PCF11: variants seen among roughly 807,000 people sequenced by gnomAD.
PCF11 encodes the protein pre-mRNA cleavage complex 2 protein Pcf11.
PCF11 carries 19 observed loss-of-function variants against 166.1 expected under a neutral mutation model. The observed-to-expected ratio is 0.11, with a 90% CI of 0.08 to 0.17. The LOEUF (loss-of-function observed/expected upper bound fraction) is 0.17. Among genes scored for constraint, PCF11 ranks in the 10% least tolerant of loss-of-function variants. The pLI is 1.00. For missense variants in PCF11, 1,565 were observed against 1,855.5 expected (o/e 0.84, Z 2.88); for synonymous variants, 663 against 644.1 (o/e 1.03, Z -0.44).
At chr11:83,169,768 G>T in exon 8 of PCF11, 1 of 1,613,792 alleles carries the variant, frequency 6.2e-7, no homozygotes, top group Non-Finnish European at 8.5e-7. Context: ...TGCTTTTAAT[G>T]CCCCATCCCA....
chr11:83,176,612 C>T (rs1225583282), intron 9 of PCF11, among the ~76,000 whole-genome samples: 2 of 151,432 alleles, frequency 1.3e-5, no homozygotes, highest in Non-Finnish European at 2.9e-5. Context: ...CGCATGTTCT[C>T]ACTTGTAGGT....
At chr11:83,182,882 G>C (rs1160738284) in intron 14 of PCF11, among the ~76,000 whole-genome samples, 156 bp from the exon 15 acceptor site, 1 of 152,300 alleles carries the variant, frequency 6.6e-6, no homozygotes, top group African/African-American at 2.4e-5. Context: ...GACTCTTTAA[G>C]CATAAGGATG....
intron 15 of PCF11, 56 bp from the exon 16 acceptor site, chr11:83,184,619 GTTAT>G: frequency 8.8e-7 from 1 of 1,137,708 alleles, no homozygotes; most frequent in Non-Finnish European, 1.3e-6. Context: ...AAGACTAAAT[GTTAT>G]TTAATGTGAG....
chr11:83,175,568 C>T (rs1029634139), intron 9 of PCF11, among the ~76,000 whole-genome samples: 1 of 152,052 alleles, frequency 6.6e-6, no homozygotes, highest in Non-Finnish European at 1.5e-5. Flanking sequence ...CTGGCTAACA[C>T]GGTGAAACCC....
exon 5 of PCF11, chr11:83,166,537 G>T: frequency 6.2e-7 from 1 of 1,613,922 alleles, no homozygotes; most frequent in Non-Finnish European, 8.5e-7. Flanking sequence ...GCTAAGAGAA[G>T]TACTAAACAG....
intron 9 of PCF11, among the ~76,000 whole-genome samples, chr11:83,175,628 A>G (rs1410599932): frequency 1.3e-5 from 2 of 152,110 alleles, no homozygotes; most frequent in African/African-American, 2.4e-5. Context: ...GGTGGCACGC[A>G]CCTGTAGTCC....
chr11:83,169,206 G>C, exon 8 of PCF11: 1 of 1,613,584 alleles, frequency 6.2e-7, no homozygotes, highest in Non-Finnish European at 8.5e-7. Flanking sequence ...TGAGGTTTGA[G>C]GGCCCCCATG....
At chr11:83,179,339 T>TCCCAGGTTCA (rs1306573763) in intron 11 of PCF11, among the ~76,000 whole-genome samples, 2 of 151,848 alleles carry the variant, frequency 1.3e-5, no homozygotes, top group Non-Finnish European at 2.9e-5. Context: ...AACCTCCGCC[T>TCCCAGGTTCA]CCCAGGTTCA....
chr11:83,177,843 G>A (rs1860939256), intron 11 of PCF11, 24 bp downstream of exon 11: 5 of 1,176,540 alleles, frequency 4.2e-6, no homozygotes, highest in Admixed American at 2.1e-5. Context: ...TTTTCTTTAA[G>A]ATAAAGAGGC....
exon 8 of PCF11, chr11:83,168,832 C>T (rs764761637): frequency 1.2e-5 from 20 of 1,613,398 alleles, no homozygotes; most frequent in East Asian, 1.1e-4. Flanking sequence ...GACACCTCTG[C>T]GGTTTGAGGG....
At chr11:83,177,781 T>C in exon 11 of PCF11, 1 of 1,537,998 alleles carries the variant, frequency 6.5e-7, no homozygotes, top group East Asian at 2.4e-5. Context: ...ATCAAGATGT[T>C]CCAGATCTTA....
At chr11:83,184,801 A>G in exon 16 of PCF11, 1 of 1,608,532 alleles carries the variant, frequency 6.2e-7, no homozygotes, top group Non-Finnish European at 8.5e-7. Context: ...AAGTTAAGGA[A>G]GAACGAATTG....
exon 1 of PCF11, chr11:83,157,308 C>T: frequency 1.3e-6 from 1 of 758,964 alleles, no homozygotes; most frequent in Non-Finnish European, 2.1e-6. Flanking sequence ...CATCCCCCCT[C>T]CGCGGTCAGC....
Position 83,164,195 on chromosome 11 carries a change from C to T in PCF11, c.508-12C>T. 6.3e-7 allele frequency: 1 copy of T among 1,580,726 alleles called. No individual in the cohort carries two copies. The highest frequency in any genetic ancestry group is 1.2e-5 in the South Asian group (1 of 85,192). ...GATACGTTTTTCTTAAACAAATTGT[C>T]TTTTCTTATAGCCCGAGGAGCCTTC... On this transcript the variant is annotated splice_polypyrimidine_tract_variant and intron_variant, in intron 3 of 15. Coordinates refer to ENST00000298281, the Ensembl canonical transcript of PCF11.
rs200215029 is a variant in PCF11 at position 83,182,022 on chromosome 11, C to G, written c.4323+13C>G. ...TGGAGCAGTTGAGGTGAGAGAAGAA[C>G]GTTTAAGTTTTCTCACAGTGGGAGT... On this transcript the variant is annotated intron_variant, in intron 13 of 15. Coordinates refer to ENST00000298281, the Ensembl canonical transcript of PCF11. 1 of 1,586,906 alleles carries G rather than the reference C, an allele frequency of 6.3e-7. No homozygotes were observed. The highest frequency in any genetic ancestry group is 8.5e-7 in the Non-Finnish European group (1 of 1,170,242).
At chr11:83,163,959 A>G in intron 3 of PCF11, 92 bp downstream of exon 3, 1 of 624,604 alleles carries the variant, frequency 1.6e-6, no homozygotes. Flanking sequence ...TCAAAATAGA[A>G]TACTCGGTAG....
At chr11:83,166,508 T>A (rs1860466542) in exon 5 of PCF11, 3 of 1,613,774 alleles carry the variant, frequency 1.9e-6, no homozygotes, top group Non-Finnish European at 2.5e-6. Context: ...TTACACCACC[T>A]TCTAGGGAAG....
chr11:83,177,273 AATG>A, intron 10 of PCF11, 69 bp downstream of exon 10: 2 of 1,200,796 alleles, frequency 1.7e-6, no homozygotes, highest in Non-Finnish European at 2.3e-6. Flanking sequence ...GATGTAATAT[AATG>A]ATATAAGTTA....
At chr11:83,169,306 G>A (rs1482235571) in exon 8 of PCF11, 5 of 1,611,850 alleles carry the variant, frequency 3.1e-6, no homozygotes, top group Non-Finnish European at 4.2e-6. Flanking sequence ...TCAGCCAGGG[G>A]TTGGTATCAG....
Sources: allele counts gnomAD v4.1 joint callset (sites outside exome capture counted in the v4.1 genomes callset), GRCh38; gene constraint gnomAD v4.1.1; transcripts MANE v1.5; gene names NCBI Gene and HGNC (gene_info 2026-07-23, HGNC 2026-07-21).